AFAP1: variants seen among roughly 807,000 people sequenced by gnomAD.
AFAP1 encodes the protein actin filament associated protein 1.
A neutral mutation model predicts 93.9 loss-of-function variants in AFAP1; 75 were observed. That is an observed-to-expected ratio of 0.80 (90% CI 0.66 to 0.97). AFAP1 has a LOEUF of 0.97. Among genes scored for constraint, AFAP1 ranks in the 50% least tolerant of loss-of-function variants. The pLI is 0.00. For missense variants in AFAP1, 1,201 were observed against 1,050.8 expected, an observed-to-expected ratio of 1.14 and a Z score of -1.98; for synonymous variants, 517 against 430.7, an observed-to-expected ratio of 1.20 and a Z score of -2.48.
chr4:7,933,187 G>A (rs1192154008), intron 1 of AFAP1, among the ~76,000 whole-genome samples: 2 of 152,066 alleles, frequency 1.3e-5, no homozygotes, highest in South Asian at 4.1e-4. Context: ...CTGTGACTAC[G>A]TCACACGGCA....
chr4:7,850,907 C>T (rs1338319977), intron 4 of AFAP1, among the ~76,000 whole-genome samples: 3 of 152,260 alleles, frequency 2.0e-5, no homozygotes, highest in Non-Finnish European at 4.4e-5. Context: ...GGCCAGCTTT[C>T]CTTCCAGGTG....
intron 7 of AFAP1, among the ~76,000 whole-genome samples, chr4:7,818,503 G>A (rs1374606372): frequency 6.6e-6 from 1 of 152,170 alleles, no homozygotes; most frequent in African/African-American, 2.4e-5. Flanking sequence ...AGGAAGCCAG[G>A]GGTCTCCAAG....
Position 7,763,786 on chromosome 4 carries a change from C to T in AFAP1, c.2424G>A (p.Trp808Ter). The T allele has an allele frequency of 6.4e-7, 1 of 1,551,620 alleles. No individual in the cohort carries two copies. Among genetic ancestry groups the T allele is most frequent in the Non-Finnish European group, 8.7e-7 (1 of 1,146,920 alleles). ...RGHVLRKAKE[W>*]ELKNGT ...TCCCCTAGGTCCCGTTCTTCAATTC[C>T]CATTCCTAGAGGAAAGGAGAGTCTT... Residue 808 changes from tryptophan to a stop codon, truncating the protein, a stop_gained, in exon 18 of 18, where the codon TGG becomes TGA. Coordinates refer to ENST00000420658, the MANE Select transcript of AFAP1 (RefSeq NM_001134647.2). LOFTEE classifies it high-confidence loss of function.
intron 1 of AFAP1, among the ~76,000 whole-genome samples, chr4:7,902,282 G>A (rs1456867696): frequency 6.6e-6 from 1 of 152,150 alleles, no homozygotes; most frequent in Non-Finnish European, 1.5e-5. Flanking sequence ...GCATCTGAAC[G>A]CTTATCCCAC....
intron 1 of AFAP1, among the ~76,000 whole-genome samples, chr4:7,893,702 G>A (rs1206761822): frequency 6.6e-6 from 1 of 151,860 alleles, no homozygotes; most frequent in Non-Finnish European, 1.5e-5. Flanking sequence ...ACTCACCACC[G>A]GGGGTTCTTG....
chr4:7,775,079 T>C, intron 14 of AFAP1, 176 bp from the exon 15 acceptor site: 1 of 705,926 alleles, frequency 1.4e-6, no homozygotes, highest in Non-Finnish European at 2.3e-6. Flanking sequence ...AGCTTGAGGC[T>C]GCAGTGAGCT....
At chr4:7,854,617 T>C (rs192968603) in intron 4 of AFAP1, among the ~76,000 whole-genome samples, 114 of 152,248 alleles carry the variant, frequency 7.5e-4, no homozygotes, top group African/African-American at 2.6e-3. Context: ...GCATTTTCCT[T>C]AGGAGACAGC....
intron 1 of AFAP1, among the ~76,000 whole-genome samples, chr4:7,881,160 T>A (rs563748171): frequency 1.3e-5 from 2 of 151,984 alleles, no homozygotes; most frequent in Non-Finnish European, 2.9e-5. Flanking sequence ...AATTGGGGGG[T>A]GGGAACAGTA....
At position 7,778,850 on chromosome 4, in the gene AFAP1, C is replaced by G. The variant is rs146414850; in HGVS notation, c.1809G>C (p.Ala603=). The part of the protein sequence containing the change: ...SQLKGKKPPV[A]SNGVTGKGKT... Reference sequence around the variant, plus strand: ...TCCCTTTTCCTGTGACCCCATTAGACGCCACGGGGGGCTTTTTACCCTTGA... The same window carrying G: ...TCCCTTTTCCTGTGACCCCATTAGAGGCCACGGGGGGCTTTTTACCCTTGA... Residue 603 remains alanine, a synonymous_variant, in exon 14 of 18, where the codon GCG becomes GCC. Coordinates refer to ENST00000420658, the MANE Select transcript of AFAP1 (RefSeq NM_001134647.2). 1 of 1,613,914 alleles carries G rather than the reference C, an allele frequency of 6.2e-7. No homozygotes were observed. Among genetic ancestry groups the G allele is most frequent in the African/African-American group, 1.3e-5 (1 of 75,036 alleles).
chr4:7,933,526 T>C (rs1721217134), intron 1 of AFAP1, among the ~76,000 whole-genome samples: 1 of 152,074 alleles, frequency 6.6e-6, no homozygotes, highest in Non-Finnish European at 1.5e-5. Context: ...TGAGCTGTGA[T>C]CACACCACTG....
chr4:7,795,995 G>A (rs1237305427), intron 10 of AFAP1, among the ~76,000 whole-genome samples: 2 of 152,082 alleles, frequency 1.3e-5, no homozygotes, highest in Non-Finnish European at 2.9e-5. Context: ...ATATATGTAT[G>A]TATGCATGTA....
intron 16 of AFAP1, among the ~76,000 whole-genome samples, chr4:7,771,162 CAG>C (rs1422361256): frequency 6.6e-6 from 1 of 152,200 alleles, no homozygotes; most frequent in African/African-American, 2.4e-5. Context: ...CTCCATGAAA[CAG>C]GGATTCTCAC....
At chr4:7,778,395 G>A (rs1437162635) in intron 14 of AFAP1, 3 of 338,678 alleles carry the variant, frequency 8.9e-6, no homozygotes, top group Non-Finnish European at 1.7e-5. Context: ...TAAAGATGCT[G>A]AGTTTAGAGT....
intron 1 of AFAP1, among the ~76,000 whole-genome samples, chr4:7,915,353 T>C (rs1720031012): frequency 6.7e-6 from 1 of 149,954 alleles, no homozygotes; most frequent in Non-Finnish European, 1.5e-5. Flanking sequence ...GTACATCTTC[T>C]TTCAAGAAAC....
At chr4:7,900,821 C>G (rs114021347) in intron 1 of AFAP1, among the ~76,000 whole-genome samples, 1 of 152,090 alleles carries the variant, frequency 6.6e-6, no homozygotes, top group African/African-American at 2.4e-5. Flanking sequence ...GTGAGGAATA[C>G]GTTTATATAG....
chr4:7,868,755 G>A (rs778684484), intron 2 of AFAP1, 36 bp from the exon 3 acceptor site: 2 of 1,584,738 alleles, frequency 1.3e-6, no homozygotes, highest in African/African-American at 1.4e-5. Context: ...AACTGGATGA[G>A]GATGGGGATG....
Position 7,862,405 on chromosome 4 carries a change from G to C in AFAP1, c.225+6217C>G, listed in dbSNP as rs865954594. 868 of 115,754 alleles carry C rather than the reference G, an allele frequency of 7.5e-3. 12 individuals are homozygous for C. The highest frequency in any genetic ancestry group is 0.025 in the African/African-American group (808 of 32,382). 7.2% of individuals were successfully genotyped at this position (115,754 alleles called of 1,614,324 possible). A position where few individuals can be genotyped will look rare whatever the true frequency, so the allele number is the denominator to read the frequency against. ...CAGGGGCAGGAGTTGGGGGCGGGGGGGGGGGGGGGCGCCGGCGGCGGGAGA... is the reference window on the plus strand; with the variant it reads ...CAGGGGCAGGAGTTGGGGGCGGGGGCGGGGGGGGGCGCCGGCGGCGGGAGA... On this transcript the variant is annotated intron_variant, in intron 3 of 17. Transcript: ENST00000420658.
chr4:7,758,985 A>ATCTT lies in AFAP1; in HGVS notation c.*4776_*4779dup, dbSNP rs1713393428. ...CTACTAACATATTTAATTTAAAAAA[A>ATCTT]TCTTTGCTGTTTCTTTGCCTGTTTC... On this transcript the variant is annotated 3_prime_UTR_variant, in exon 18 of 18. Coordinates refer to ENST00000420658, the MANE Select transcript of AFAP1 (RefSeq NM_001134647.2). 1 of 152,538 alleles carries ATCTT rather than the reference A, an allele frequency of 6.6e-6. No individual in the cohort carries two copies. The highest frequency in any genetic ancestry group is 1.5e-5 in the Non-Finnish European group (1 of 68,050). The allele number at this position is 152,538 out of a possible 1,614,324, so 9.4% of individuals were successfully genotyped here.
chr4:7,824,811 G>A (rs1416090134), intron 6 of AFAP1, among the ~76,000 whole-genome samples: 1 of 152,112 alleles, frequency 6.6e-6, no homozygotes, highest in African/African-American at 2.4e-5. Context: ...GGAATGGGAG[G>A]AAGGATGGTG....
Sources: gnomAD v4.1 joint callset for allele counts (sites outside exome capture counted in the v4.1 genomes callset) on GRCh38, gnomAD v4.1.1 for gene constraint, MANE v1.5 for transcripts, NCBI Gene and HGNC (gene_info 2026-07-23, HGNC 2026-07-21) for gene names.